TMEM132D: variants seen among roughly 807,000 people sequenced by gnomAD.
The protein encoded by TMEM132D is transmembrane protein 132D.
TMEM132D carries 21 observed loss-of-function variants against 62.3 expected under a neutral mutation model. The ratio of observed to expected loss-of-function variants is 0.34; its 90% CI spans 0.24 to 0.49. TMEM132D has a LOEUF of 0.49. TMEM132D is among the 20% of genes least tolerant of loss of function. The pLI is 0.99. For synonymous variants in TMEM132D, 621 were observed against 575.6 expected (o/e 1.08, Z -1.13); for missense variants, 1,346 against 1,402.8 (o/e 0.96, Z 0.65).
chr12:129,882,046 T>TA (rs1033083118), intron 1 of TMEM132D, among the ~76,000 whole-genome samples: 1 of 151,974 alleles, frequency 6.6e-6, no homozygotes, highest in Non-Finnish European at 1.5e-5. Flanking sequence ...ACCAATTCAT[T>TA]AAAAAGAAAA....
At chr12:129,163,983 T>G (rs537664010) in intron 5 of TMEM132D, among the ~76,000 whole-genome samples, 1 of 152,374 alleles carries the variant, frequency 6.6e-6, no homozygotes, top group South Asian at 2.1e-4. Context: ...TTTGTTCAAG[T>G]GCGTGACACC....
At chr12:129,754,814 C>T (rs923575460) in intron 1 of TMEM132D, among the ~76,000 whole-genome samples, 3 of 152,108 alleles carry the variant, frequency 2.0e-5, no homozygotes, top group African/African-American at 7.2e-5. Flanking sequence ...TAGACAAAGA[C>T]TCAGAGACTA....
intron 1 of TMEM132D, among the ~76,000 whole-genome samples, chr12:129,711,726 T>G (rs7297779): frequency 0.88 from 115,129 of 130,484 alleles, 51,305 homozygotes; most frequent in Non-Finnish European, 0.99. Flanking sequence ...AAATTCCATC[T>G]CCAAAAAAAA....
intron 1 of TMEM132D, among the ~76,000 whole-genome samples, chr12:129,850,969 C>T (rs1409385980): frequency 1.3e-5 from 2 of 152,144 alleles, no homozygotes; most frequent in Non-Finnish European, 2.9e-5. Context: ...GGATGAACAT[C>T]CAGTCATCAG....
At chr12:129,520,610 A>G (rs748799534) in intron 3 of TMEM132D, among the ~76,000 whole-genome samples, 12 of 152,228 alleles carry the variant, frequency 7.9e-5, no homozygotes, top group Non-Finnish European at 1.5e-4. Flanking sequence ...TGTTATTGTC[A>G]GAGTTTCAGG....
chr12:129,719,568 C>T (rs903301120), intron 1 of TMEM132D, among the ~76,000 whole-genome samples: 1 of 152,196 alleles, frequency 6.6e-6, no homozygotes, highest in South Asian at 2.1e-4. Context: ...ACACGGGACA[C>T]ATTTCTGGCC....
intron 4 of TMEM132D, among the ~76,000 whole-genome samples, chr12:129,225,258 T>C (rs535139165): frequency 6.6e-6 from 1 of 152,364 alleles, no homozygotes; most frequent in South Asian, 2.1e-4. Flanking sequence ...TTCACCATTG[T>C]TGGCGTCATC....
At chr12:129,226,437 C>T (rs1322786064) in intron 4 of TMEM132D, among the ~76,000 whole-genome samples, 1 of 152,186 alleles carries the variant, frequency 6.6e-6, no homozygotes, top group Non-Finnish European at 1.5e-5. Flanking sequence ...GTTCTCATAC[C>T]ATTTGCCCCT....
chr12:129,462,304 C>T (rs1873704500), intron 3 of TMEM132D, among the ~76,000 whole-genome samples: 2 of 152,118 alleles, frequency 1.3e-5, no homozygotes, highest in South Asian at 2.1e-4. Context: ...CAGGGAAACA[C>T]AGAGACAGGC....
intron 3 of TMEM132D, among the ~76,000 whole-genome samples, chr12:129,393,677 T>C (rs1871348832): frequency 6.6e-6 from 1 of 152,198 alleles, no homozygotes; most frequent in South Asian, 2.1e-4. Context: ...TGAAAAGTCC[T>C]GAGTGGCTTC....
chr12:129,683,262 T>C (rs1880829888), intron 2 of TMEM132D, among the ~76,000 whole-genome samples: 1 of 152,210 alleles, frequency 6.6e-6, no homozygotes, highest in African/African-American at 2.4e-5. Flanking sequence ...ATATCTTAAA[T>C]TAAATTCTCT....
intron 1 of TMEM132D, among the ~76,000 whole-genome samples, chr12:129,818,875 A>G (rs1046883919): frequency 4.6e-5 from 7 of 152,032 alleles, no homozygotes; most frequent in African/African-American, 1.4e-4. Context: ...TCTCTACAAA[A>G]CATACAAAAA....
intron 1 of TMEM132D, among the ~76,000 whole-genome samples, chr12:129,849,119 C>T (rs1425866771): frequency 6.6e-6 from 1 of 152,158 alleles, no homozygotes; most frequent in Non-Finnish European, 1.5e-5. Flanking sequence ...GTTTATAATG[C>T]AAGCAGTCAG....
intron 5 of TMEM132D, among the ~76,000 whole-genome samples, chr12:129,096,358 C>T (rs1052581056): frequency 2.6e-5 from 4 of 152,062 alleles, no homozygotes; most frequent in East Asian, 1.9e-4. Flanking sequence ...TCCATTAGGC[C>T]GTGATATCTG....
At chr12:129,397,299 G>C (rs1471097533) in intron 3 of TMEM132D, among the ~76,000 whole-genome samples, 1 of 152,146 alleles carries the variant, frequency 6.6e-6, no homozygotes, top group Non-Finnish European at 1.5e-5. Flanking sequence ...TTGTCTGGGA[G>C]ACTGAGTTTG....
intron 3 of TMEM132D, among the ~76,000 whole-genome samples, chr12:129,342,298 G>C (rs1869518347): frequency 6.6e-6 from 1 of 152,100 alleles, no homozygotes; most frequent in Non-Finnish European, 1.5e-5. Flanking sequence ...TGATCTTTGA[G>C]AACCTGATAA....
chr12:129,838,682 T>C (rs769339178), intron 1 of TMEM132D, among the ~76,000 whole-genome samples: 4 of 152,072 alleles, frequency 2.6e-5, no homozygotes, highest in South Asian at 2.1e-4. Context: ...CATTGAAAAA[T>C]AGTATTCATA....
At chr12:129,351,336 C>T (rs2135668203) in intron 3 of TMEM132D, among the ~76,000 whole-genome samples, 1 of 152,294 alleles carries the variant, frequency 6.6e-6, no homozygotes, top group East Asian at 1.9e-4. Flanking sequence ...GCTATATTTT[C>T]CCCACAGGCA....
At chr12:129,607,198 C>T (rs937354556) in intron 2 of TMEM132D, among the ~76,000 whole-genome samples, 7 of 152,004 alleles carry the variant, frequency 4.6e-5, no homozygotes, top group Non-Finnish European at 1.0e-4. Context: ...TTTATTATAG[C>T]GAAATGATAC....
Sources: gnomAD v4.1 joint callset for allele counts (sites outside exome capture counted in the v4.1 genomes callset) on GRCh38, gnomAD v4.1.1 for gene constraint, MANE v1.5 for transcripts, NCBI Gene and HGNC (gene_info 2026-07-23, HGNC 2026-07-21) for gene names.